EFCAB13: variants seen among roughly 807,000 people sequenced by gnomAD.
EFCAB13 encodes EF-hand calcium-binding domain-containing protein 13.
In EFCAB13, 91 loss-of-function variants were observed where a neutral mutation model predicts 110.2. The ratio of observed to expected loss-of-function variants is 0.83; its 90% CI spans 0.70 to 0.98. The LOEUF is 0.98. Ranked by LOEUF, EFCAB13 falls within the 50% of genes least tolerant of loss-of-function variation. The pLI is 0.00. For missense variants in EFCAB13, 968 were observed against 1,119.4 expected, an observed-to-expected ratio of 0.86 and a Z score of 1.93; for synonymous variants, 323 against 369.9, an observed-to-expected ratio of 0.87 and a Z score of 1.45.
intron 9 of EFCAB13, among the ~76,000 whole-genome samples, chr17:47,352,752 G>GT (rs1420376659): frequency 6.6e-6 from 1 of 152,060 alleles, no homozygotes; most frequent in Non-Finnish European, 1.5e-5. Flanking sequence ...GTTCTCTATA[G>GT]TTTATTTCAT....
chr17:47,364,825 G>C (rs981017073), intron 10 of EFCAB13, among the ~76,000 whole-genome samples: 4 of 152,168 alleles, frequency 2.6e-5, no homozygotes, highest in Non-Finnish European at 4.4e-5. Flanking sequence ...GGGCCTTGTG[G>C]GTTCTGGCTT....
At chr17:47,425,822 A>G (rs1193774432) in intron 23 of EFCAB13, among the ~76,000 whole-genome samples, 1 of 152,212 alleles carries the variant, frequency 6.6e-6, no homozygotes, top group Non-Finnish European at 1.5e-5. Flanking sequence ...CCGTGATATC[A>G]GACGAAGAGG....
intron 22 of EFCAB13, among the ~76,000 whole-genome samples, chr17:47,413,549 T>C (rs1003558688): frequency 6.6e-6 from 1 of 152,196 alleles, no homozygotes; most frequent in African/African-American, 2.4e-5. Flanking sequence ...CTGTGAGTCC[T>C]AGGTTTAAGA....
chr17:47,339,355 G>A (rs1314860127), intron 5 of EFCAB13, among the ~76,000 whole-genome samples: 1 of 152,086 alleles, frequency 6.6e-6, no homozygotes, highest in Non-Finnish European at 1.5e-5. Context: ...ATGGACGAGG[G>A]GATGGGGAGG....
At chr17:47,434,182 T>C (rs113166396) in intron 24 of EFCAB13, among the ~76,000 whole-genome samples, 7,165 of 152,122 alleles carry the variant, frequency 0.047, 242 homozygotes, top group East Asian at 0.11. Flanking sequence ...AAAAAGATCC[T>C]AGATCTGATA....
At chr17:47,416,745 T>C (rs1236742686) in intron 23 of EFCAB13, among the ~76,000 whole-genome samples, 1 of 152,240 alleles carries the variant, frequency 6.6e-6, no homozygotes, top group African/African-American at 2.4e-5. Context: ...GCATCCATGC[T>C]GATAGCATGT....
intron 10 of EFCAB13, among the ~76,000 whole-genome samples, chr17:47,365,788 G>A (rs2065542239): frequency 6.6e-6 from 1 of 152,066 alleles, no homozygotes; most frequent in South Asian, 2.1e-4. Context: ...CCTGTAGAAG[G>A]TAATAATGTG....
chr17:47,351,435 G>C (rs2065452805), intron 9 of EFCAB13, among the ~76,000 whole-genome samples: 2 of 152,080 alleles, frequency 1.3e-5, no homozygotes, highest in Non-Finnish European at 2.9e-5. Context: ...GTATCTTTTT[G>C]AGATAATGGT....
At position 47,328,275 on chromosome 17, in the gene EFCAB13, CT is replaced by C. The variant is rs2065299255; in HGVS notation, c.-75del. 1 of 1,247,146 alleles carries C rather than the reference CT, an allele frequency of 8.0e-7. No homozygotes were observed. The highest frequency in any genetic ancestry group is 1.2e-6 in the Non-Finnish European group (1 of 852,074). 77.3% of individuals were successfully genotyped at this position (1,247,146 alleles called of 1,614,324 possible). ...CTTTCTCTTTTTTTGGCAGGAAATC[CT>C]TTTGTACTATTGCTCATTCATACTT... On this transcript the variant is annotated 5_prime_UTR_variant, in exon 4 of 25. Coordinates refer to ENST00000331493, the MANE Select transcript of EFCAB13 (RefSeq NM_152347.5).
At chr17:47,398,244 G>A (rs1448218169) in intron 17 of EFCAB13, among the ~76,000 whole-genome samples, 3 of 144,026 alleles carry the variant, frequency 2.1e-5, no homozygotes, top group Admixed American at 6.9e-5. Context: ...AGGTGGGGGG[G>A]TCAGCCCCCC....
At chr17:47,405,844 C>T (rs565349118) in intron 20 of EFCAB13, among the ~76,000 whole-genome samples, 1 of 151,438 alleles carries the variant, frequency 6.6e-6, no homozygotes, top group South Asian at 2.1e-4. Context: ...TTAGTAAGTC[C>T]TTTATATTGT....
intron 9 of EFCAB13, among the ~76,000 whole-genome samples, chr17:47,352,967 G>C (rs930324075): frequency 2.0e-5 from 3 of 152,048 alleles, no homozygotes; most frequent in Admixed American, 6.6e-5. Context: ...CAAATCTCAG[G>C]GTTTTTTGGG....
chr17:47,423,871 A>G (rs773542732), intron 23 of EFCAB13, among the ~76,000 whole-genome samples: 4 of 151,814 alleles, frequency 2.6e-5, no homozygotes, highest in Non-Finnish European at 5.9e-5. Flanking sequence ...TTTACCTGCT[A>G]CTGCCGCCGC....
At chr17:47,399,163 C>T (rs901988191) in intron 17 of EFCAB13, among the ~76,000 whole-genome samples, 5 of 152,138 alleles carry the variant, frequency 3.3e-5, no homozygotes, top group Admixed American at 2.0e-4. Context: ...GATCTTCTGG[C>T]CTTGGCCTCC....
intron 22 of EFCAB13, among the ~76,000 whole-genome samples, chr17:47,413,438 A>G (rs1211124278): frequency 6.6e-6 from 1 of 152,196 alleles, no homozygotes; most frequent in East Asian, 1.9e-4. Flanking sequence ...ACTTTTAGGA[A>G]GTCAAATCAT....
chr17:47,385,884 C>T (rs112601163), intron 14 of EFCAB13, among the ~76,000 whole-genome samples: 13 of 152,098 alleles, frequency 8.5e-5, no homozygotes, highest in African/African-American at 2.7e-4. Flanking sequence ...CAGTCATGCC[C>T]GTCTTCTGCA....
intron 10 of EFCAB13, among the ~76,000 whole-genome samples, chr17:47,363,555 G>A (rs1390158011): frequency 4.6e-5 from 7 of 151,084 alleles, no homozygotes; most frequent in Non-Finnish European, 1.0e-4. Context: ...TACTATAATA[G>A]AGTGTACATA....
chr17:47,404,722 ATCT>A, intron 20 of EFCAB13, 89 bp downstream of exon 20: 2 of 953,178 alleles, frequency 2.1e-6, no homozygotes, highest in Non-Finnish European at 3.2e-6. Flanking sequence ...TGGTGTTTAA[ATCT>A]TCTTTATAGT....
chr17:47,404,043 C>T (rs757392093), intron 19 of EFCAB13, 22 bp downstream of exon 19: 76 of 1,558,262 alleles, frequency 4.9e-5, no homozygotes, highest in Middle Eastern at 3.5e-4. Flanking sequence ...AAATATTACT[C>T]TCAGGTTTTT....
Sources: gnomAD v4.1 joint callset for allele counts (sites outside exome capture counted in the v4.1 genomes callset) on GRCh38, gnomAD v4.1.1 for gene constraint, MANE v1.5 for transcripts, NCBI Gene and HGNC (gene_info 2026-07-23, HGNC 2026-07-21) for gene names.